Variants in LRRC4C observed in about 807,000 individuals in gnomAD.
The protein encoded by LRRC4C is leucine rich repeat containing 4C, also known as leucine-rich repeat-containing protein 4C.
A neutral mutation model predicts 33.6 loss-of-function variants in LRRC4C; 5 were observed. That is an observed-to-expected ratio of 0.15 (90% CI 0.08 to 0.31). LRRC4C has a LOEUF of 0.31. Among genes scored for constraint, LRRC4C ranks in the 10% least tolerant of loss-of-function variants. The pLI, the probability that LRRC4C is intolerant of heterozygous loss-of-function variation, is 1.00. For missense variants in LRRC4C, 560 were observed against 796.7 expected, an observed-to-expected ratio of 0.70 and a Z score of 3.58; for synonymous variants, 329 against 302.0, an observed-to-expected ratio of 1.09 and a Z score of -0.93.
intron 3 of LRRC4C, among the ~76,000 whole-genome samples, chr11:40,408,645 C>G (rs1344857868): frequency 6.6e-6 from 1 of 151,580 alleles, no homozygotes; most frequent in African/African-American, 2.4e-5. Flanking sequence ...TTTTATATGC[C>G]CCAAAATGGC....
At chr11:41,173,151 G>A (rs1945049159) in intron 1 of LRRC4C, among the ~76,000 whole-genome samples, 1 of 152,084 alleles carries the variant, frequency 6.6e-6, no homozygotes, top group South Asian at 2.1e-4. Flanking sequence ...GATCCAGTGG[G>A]GCCAATTAGA....
At chr11:40,513,981 G>T (rs1378012396) in intron 3 of LRRC4C, among the ~76,000 whole-genome samples, 1 of 152,188 alleles carries the variant, frequency 6.6e-6, no homozygotes, top group Non-Finnish European at 1.5e-5. Flanking sequence ...TTCTCTCAGA[G>T]AATCTTCACT....
At chr11:40,541,466 A>G (rs1956704421) in intron 3 of LRRC4C, among the ~76,000 whole-genome samples, 1 of 152,108 alleles carries the variant, frequency 6.6e-6, no homozygotes, top group Admixed American at 6.5e-5. Context: ...CTATAATTTC[A>G]GATTGGGAAG....
chr11:41,224,546 C>T (rs563790406), intron 1 of LRRC4C, among the ~76,000 whole-genome samples: 20 of 152,282 alleles, frequency 1.3e-4, no homozygotes, highest in African/African-American at 4.3e-4. Flanking sequence ...GAAGTCAAAA[C>T]TTCCTTGTCC....
At chr11:40,749,340 A>G (rs1948575806) in intron 2 of LRRC4C, among the ~76,000 whole-genome samples, 1 of 152,002 alleles carries the variant, frequency 6.6e-6, no homozygotes, top group Non-Finnish European at 1.5e-5. Context: ...ACAAATACAT[A>G]GAAATTCAAG....
intron 1 of LRRC4C, among the ~76,000 whole-genome samples, chr11:41,154,063 T>C (rs1346896088): frequency 6.6e-6 from 1 of 152,158 alleles, no homozygotes; most frequent in Non-Finnish European, 1.5e-5. Context: ...GCCCTGTCAA[T>C]ACTTTCATTT....
rs540209430 is a variant in LRRC4C, at chr11:40,627,310, T to C, written c.-270+20832A>G. On this transcript the variant is annotated intron_variant, in intron 3 of 6. Coordinates refer to ENST00000528697, the MANE Select transcript of LRRC4C (RefSeq NM_001258419.2). Reference sequence around the variant, plus strand: ...GAGAGAGAATAAAAGTCAGTCATCATTAATTAAATGAGGCAGAGGAAATAG... The same window carrying C: ...GAGAGAGAATAAAAGTCAGTCATCACTAATTAAATGAGGCAGAGGAAATAG... Among the ~76,000 whole-genome samples, 3 of 151,266 alleles carry C rather than the reference T, an allele frequency of 2.0e-5. No homozygotes were observed. The South Asian group carries it at 6.3e-4, about 32-fold the overall frequency.
intron 5 of LRRC4C, among the ~76,000 whole-genome samples, chr11:40,231,412 ATATG>A (rs1294858337): frequency 2.0e-5 from 3 of 152,198 alleles, no homozygotes; most frequent in African/African-American, 7.2e-5. Context: ...AGATATCCAT[ATATG>A]TATATTTGTA....
At chr11:41,391,501 A>C (rs1022416318) in intron 1 of LRRC4C, among the ~76,000 whole-genome samples, 3 of 151,996 alleles carry the variant, frequency 2.0e-5, no homozygotes, top group Non-Finnish European at 2.9e-5. Context: ...TGTATTGAGC[A>C]TTCATGTGCC....
intron 2 of LRRC4C, among the ~76,000 whole-genome samples, chr11:40,748,504 A>G (rs1349746638): frequency 1.3e-5 from 2 of 152,108 alleles, no homozygotes; most frequent in Non-Finnish European, 2.9e-5. Flanking sequence ...AATGAGGAAG[A>G]GAAAGGACTC....
chr11:40,936,701 T>A (rs1242089238), intron 1 of LRRC4C, among the ~76,000 whole-genome samples: 1 of 152,164 alleles, frequency 6.6e-6, no homozygotes, highest in Non-Finnish European at 1.5e-5. Context: ...CATCATGTAT[T>A]ATTTTATTTA....
intron 3 of LRRC4C, among the ~76,000 whole-genome samples, chr11:40,357,671 T>TTC (rs144048959): frequency 2.2e-4 from 32 of 148,678 alleles, no homozygotes; most frequent in East Asian, 7.8e-4. Context: ...TGAAAAACCC[T>TTC]TCTCTCTCTC....
intron 2 of LRRC4C, among the ~76,000 whole-genome samples, chr11:40,911,950 T>C (rs1956717675): frequency 6.6e-6 from 1 of 152,116 alleles, no homozygotes; most frequent in Non-Finnish European, 1.5e-5. Flanking sequence ...GTATCAGTGA[T>C]GGAAGATCAA....
intron 1 of LRRC4C, among the ~76,000 whole-genome samples, chr11:41,271,189 A>C (rs1465163450): frequency 1.3e-5 from 2 of 152,082 alleles, no homozygotes; most frequent in Non-Finnish European, 2.9e-5. Flanking sequence ...AAGTCTCCCC[A>C]GTTCTTGTGC....
intron 3 of LRRC4C, among the ~76,000 whole-genome samples, chr11:40,626,355 A>G (rs1962926995): frequency 6.6e-6 from 1 of 152,056 alleles, no homozygotes; most frequent in Admixed American, 6.6e-5. Context: ...TTTTTTAAAA[A>G]GCTCTTATTG....
At chr11:40,807,815 A>C (rs927289673) in intron 2 of LRRC4C, among the ~76,000 whole-genome samples, 8 of 152,192 alleles carry the variant, frequency 5.3e-5, no homozygotes, top group Admixed American at 3.3e-4. Flanking sequence ...TCTTAAGACA[A>C]AGCTTTGATT....
At position 40,986,418 on chromosome 11, in the gene LRRC4C, C is replaced by T. The variant is rs546467286; in HGVS notation, c.-495-52695G>A. 5.9e-5 allele frequency among the ~76,000 whole-genome samples: 9 copies of T among 152,084 alleles called. No homozygotes were observed. In the South Asian group the frequency reaches 1.9e-3, roughly 32 times the overall value. The stretch of plus-strand genomic sequence containing the variant: ...TTTGAGACCAGTGTGGGCAACATAG[C>T]GAGACCGCATCTCCACTAAAAATAA... On this transcript the variant is annotated intron_variant, in intron 1 of 6. Coordinates refer to ENST00000528697, the MANE Select transcript of LRRC4C (RefSeq NM_001258419.2).
intron 1 of LRRC4C, among the ~76,000 whole-genome samples, chr11:41,055,048 A>C (rs1396328240): frequency 1.3e-5 from 2 of 152,236 alleles, no homozygotes; most frequent in South Asian, 4.1e-4. Flanking sequence ...ATCAGGAAAT[A>C]GAAAAATACC....
intron 1 of LRRC4C, among the ~76,000 whole-genome samples, chr11:41,224,667 G>A (rs1449450004): frequency 2.6e-5 from 4 of 152,156 alleles, no homozygotes; most frequent in African/African-American, 9.7e-5. Flanking sequence ...TGGAAATACT[G>A]TATTCAATCT....
Sources: gnomAD v4.1 joint callset for allele counts (sites outside exome capture counted in the v4.1 genomes callset) on GRCh38, gnomAD v4.1.1 for gene constraint, MANE v1.5 for transcripts, NCBI Gene and HGNC (gene_info 2026-07-23, HGNC 2026-07-21) for gene names.